USP25: variants seen among roughly 807,000 people sequenced by gnomAD.
USP25 encodes ubiquitin specific peptidase 25.
USP25 carries 85 observed loss-of-function variants against 158.5 expected under a neutral mutation model. That is an observed-to-expected ratio of 0.54 (90% CI 0.45 to 0.64). The LOEUF (loss-of-function observed/expected upper bound fraction) is 0.64, where lower values mean the gene tolerates loss of function less well. Among genes scored for constraint, USP25 ranks in the 30% least tolerant of loss-of-function variants. The pLI is 0.00. For missense variants in USP25, 1,242 were observed against 1,327.3 expected (o/e 0.94, Z 1.00); for synonymous variants, 464 against 460.4 (o/e 1.01, Z -0.10).
chr21:15,756,892 A>G (rs529423334), intron 1 of USP25, among the ~76,000 whole-genome samples: 38 of 152,148 alleles, frequency 2.5e-4, no homozygotes, highest in Non-Finnish European at 4.0e-4. Context: ...AAAAATCCAT[A>G]CAAGGAGCAT....
At chr21:15,799,330 C>A (rs1419728322) in intron 5 of USP25, among the ~76,000 whole-genome samples, 1 of 151,080 alleles carries the variant, frequency 6.6e-6, no homozygotes, top group Non-Finnish European at 1.5e-5. Flanking sequence ...TATGTAATTT[C>A]TTTGTGTCTC....
rs768678602 is a variant in USP25, at chr21:15,730,392, C to T, written c.-2C>T. The T allele has an allele frequency of 3.7e-5, 48 of 1,305,888 alleles. No homozygotes were observed. In the South Asian group the frequency reaches 8.1e-4, roughly 22 times the overall value. The allele number at this position is 1,305,888 out of a possible 1,614,324, so 80.9% of individuals were successfully genotyped here. ...GCCGCCGCCGCCGCCGCCGCGGGGGCCATGACCGTGGAGCAGAACGTGCTG... is the reference window on the plus strand; with the variant it reads ...GCCGCCGCCGCCGCCGCCGCGGGGGTCATGACCGTGGAGCAGAACGTGCTG... On this transcript the variant is annotated 5_prime_UTR_variant, in exon 1 of 26. Coordinates refer to ENST00000400183, the MANE Select transcript of USP25 (RefSeq NM_001283041.3).
At position 15,799,747 on chromosome 21, in the gene USP25, T is replaced by C; in HGVS notation, c.556-10T>C. On this transcript the variant is annotated splice_polypyrimidine_tract_variant and intron_variant, in intron 5 of 25. Coordinates refer to ENST00000400183, the MANE Select transcript of USP25 (RefSeq NM_001283041.3). ...CCCTCAGGTTATGTTAAATTGTTGT[T>C]CTTTTTCAGTCATTATTTAATCTTT... The C allele has an allele frequency of 6.4e-7, 1 of 1,565,430 alleles. No individual in the cohort carries two copies. Among genetic ancestry groups the C allele is most frequent in the Non-Finnish European group, 8.7e-7 (1 of 1,148,986 alleles).
chr21:15,812,664 A>T (rs2146301217), intron 9 of USP25, among the ~76,000 whole-genome samples: 1 of 152,248 alleles, frequency 6.6e-6, no homozygotes, highest in South Asian at 2.1e-4. Context: ...AAAAAAAAAA[A>T]AATTAATTTG....
intron 18 of USP25, among the ~76,000 whole-genome samples, chr21:15,845,201 A>G (rs530310620): frequency 6.6e-6 from 1 of 152,258 alleles, no homozygotes; most frequent in East Asian, 1.9e-4. Context: ...CCTTCTTATG[A>G]GACCACTTTT....
chr21:15,811,407 A>G (rs151157594), intron 9 of USP25, among the ~76,000 whole-genome samples, 197 bp downstream of exon 9: 26 of 152,346 alleles, frequency 1.7e-4, no homozygotes, highest in African/African-American at 5.5e-4. Flanking sequence ...AGAGTGCATT[A>G]TCACATACTA....
intron 3 of USP25, among the ~76,000 whole-genome samples, chr21:15,773,658 G>A (rs1468718078): frequency 1.3e-5 from 2 of 152,092 alleles, no homozygotes; most frequent in African/African-American, 4.8e-5. Flanking sequence ...GGAGTAGATG[G>A]TGATTCTTGT....
intron 17 of USP25, among the ~76,000 whole-genome samples, chr21:15,840,326 A>G (rs1601091194): frequency 6.6e-6 from 1 of 152,210 alleles, no homozygotes; most frequent in Non-Finnish European, 1.5e-5. Context: ...ACATTGTATT[A>G]TAATAGAATG....
chr21:15,780,585 A>T (rs1160063848), intron 4 of USP25, among the ~76,000 whole-genome samples: 1 of 152,226 alleles, frequency 6.6e-6, no homozygotes, highest in Non-Finnish European at 1.5e-5. Flanking sequence ...CGCACCTTCA[A>T]CAATTTCAAG....
chr21:15,765,950 A>G (rs191783387), intron 2 of USP25, 47 bp from the exon 3 acceptor site: 4 of 1,556,448 alleles, frequency 2.6e-6, no homozygotes, highest in Non-Finnish European at 3.5e-6. Flanking sequence ...TTTTTGATGG[A>G]TAAAATTATT....
intron 12 of USP25, among the ~76,000 whole-genome samples, chr21:15,825,753 T>C (rs2037470515): frequency 6.6e-6 from 1 of 152,192 alleles, no homozygotes; most frequent in African/African-American, 2.4e-5. Context: ...GTCTAAAACT[T>C]CTTACATCAA....
At chr21:15,770,936 G>T (rs2034314848) in intron 3 of USP25, among the ~76,000 whole-genome samples, 1 of 152,166 alleles carries the variant, frequency 6.6e-6, no homozygotes, top group African/African-American at 2.4e-5. Flanking sequence ...TGGCTTTTAA[G>T]ATTCTTGCAA....
At chr21:15,744,147 G>C (rs2032317473) in intron 1 of USP25, 1 of 152,920 alleles carries the variant, frequency 6.5e-6, no homozygotes, top group Non-Finnish European at 1.5e-5. Flanking sequence ...ATGGTGTAAA[G>C]TGGGTAGGGG....
intron 2 of USP25, among the ~76,000 whole-genome samples, 185 bp from the exon 3 acceptor site, chr21:15,765,812 G>T (rs1390623196): frequency 6.6e-6 from 1 of 151,868 alleles, no homozygotes. Flanking sequence ...AGTAAGAAAG[G>T]TATTACTATT....
At chr21:15,845,861 A>G (rs1379392908) in intron 18 of USP25, among the ~76,000 whole-genome samples, 1 of 151,940 alleles carries the variant, frequency 6.6e-6, no homozygotes, top group Admixed American at 6.6e-5. Context: ...GACCAAGCAC[A>G]TCTCTGTAGA....
In USP25 at chr21:15,791,551, C is replaced by T; in HGVS notation, c.442C>T (p.Pro148Ser). The stretch of plus-strand genomic sequence containing the variant: ...GAATAAAGCATGTTTGAAGAGGACA[C>T]CTACAGAAGTTTGGAGGGATTCTCG... ...AENKACLKRT[P>S]TEVWRDSRNP... The change falls in exon 5 of 26, where the codon CCT becomes TCT. Residue 148 changes from proline to serine, a missense_variant. Coordinates refer to ENST00000400183, the MANE Select transcript of USP25 (RefSeq NM_001283041.3). 6.2e-7 allele frequency: 1 copy of T among 1,611,318 alleles called. No homozygotes were observed. The highest frequency in any genetic ancestry group is 8.5e-7 in the Non-Finnish European group (1 of 1,178,278).
intron 1 of USP25, among the ~76,000 whole-genome samples, chr21:15,760,874 T>C (rs370213617): frequency 2.0e-5 from 3 of 152,194 alleles, no homozygotes; most frequent in South Asian, 2.1e-4. Flanking sequence ...ACTGGAGTTA[T>C]CAAATTCAAG....
Position 15,868,173 on chromosome 21 carries a change from G to A in USP25, c.2805+1829G>A, listed in dbSNP as rs113257543. The stretch of plus-strand genomic sequence containing the variant: ...TTCATTTCAATTGTGAAAGACTCCT[G>A]TGTAAAGCTGTTTAGAAGTCAACAT... On this transcript the variant is annotated intron_variant, in intron 22 of 25. Coordinates refer to ENST00000400183, the MANE Select transcript of USP25 (RefSeq NM_001283041.3). 9.9e-5 allele frequency among the ~76,000 whole-genome samples: 15 copies of A among 152,246 alleles called. 1 individual carries two copies. The highest frequency in any genetic ancestry group is 3.6e-4 in the African/African-American group (15 of 41,526).
chr21:15,859,283 C>G (rs2039307988), intron 20 of USP25, among the ~76,000 whole-genome samples: 1 of 151,574 alleles, frequency 6.6e-6, no homozygotes, highest in African/African-American at 2.4e-5. Flanking sequence ...GGCTCCGCCT[C>G]CCGGGTTCAC....
Sources: gnomAD v4.1 joint callset for allele counts (sites outside exome capture counted in the v4.1 genomes callset) on GRCh38, gnomAD v4.1.1 for gene constraint, MANE v1.5 for transcripts, NCBI Gene and HGNC (gene_info 2026-07-23, HGNC 2026-07-21) for gene names.